The following ENPEP variants were observed in gnomAD, a reference collection of about 807,000 sequenced individuals.
ENPEP encodes the protein AP-A.
In ENPEP, 103 loss-of-function variants were observed where a neutral mutation model predicts 114.5. That is an observed-to-expected ratio of 0.90 (90% CI 0.77 to 1.06). The LOEUF (loss-of-function observed/expected upper bound fraction) is 1.06, where lower values mean the gene tolerates loss of function less well. ENPEP is among the 50% of genes least tolerant of loss of function. ENPEP has a pLI of 0.00. For synonymous variants in ENPEP, 420 were observed against 422.0 expected (o/e 1.00, Z 0.06); for missense variants, 1,196 against 1,161.3 (o/e 1.03, Z -0.43).
chr4:110,538,483 A>C (rs1386572238), intron 11 of ENPEP, among the ~76,000 whole-genome samples: 1 of 152,170 alleles, frequency 6.6e-6, no homozygotes, highest in East Asian at 1.9e-4. Context: ...TCTCTGGATT[A>C]GGCTTTGGAT....
At chr4:110,556,633 G>A (rs1434483735) in intron 18 of ENPEP, among the ~76,000 whole-genome samples, 1 of 152,002 alleles carries the variant, frequency 6.6e-6, no homozygotes, top group East Asian at 1.9e-4. Context: ...TAGAATACAA[G>A]TAGTGGTAGA....
At chr4:110,483,390 AT>A (rs2110332536) in intron 1 of ENPEP, among the ~76,000 whole-genome samples, 2 of 152,238 alleles carry the variant, frequency 1.3e-5, no homozygotes, top group South Asian at 4.1e-4. Context: ...AACTTATAAA[AT>A]TGCTCAGCAC....
rs111241857 is a variant in ENPEP, at chr4:110,542,971, G to C, written c.1945-44G>C. Reference sequence around the variant, plus strand: ...ATATTAATTTTTTTCAACATGCTTTGCCTTAAGAATTGTGTTTTTATCTCT... The same window carrying C: ...ATATTAATTTTTTTCAACATGCTTTCCCTTAAGAATTGTGTTTTTATCTCT... On this transcript the variant is annotated intron_variant, in intron 12 of 19. Coordinates refer to ENST00000265162, the MANE Select transcript of ENPEP (RefSeq NM_001977.4). 90 of 1,610,952 alleles carry C rather than the reference G, an allele frequency of 5.6e-5. No individual in the cohort carries two copies. In the South Asian group the frequency reaches 9.6e-4, roughly 17 times the overall value.
chr4:110,542,076 A>G (rs963228304), intron 11 of ENPEP, among the ~76,000 whole-genome samples: 2 of 152,140 alleles, frequency 1.3e-5, no homozygotes, highest in African/African-American at 4.8e-5. Flanking sequence ...TATTGTTGTA[A>G]CCAACTGAAA....
At chr4:110,548,433 GC>G in intron 14 of ENPEP, 107 bp downstream of exon 14, 2 of 926,964 alleles carry the variant, frequency 2.2e-6, no homozygotes, top group Non-Finnish European at 1.5e-6. Context: ...ATGTTTGCTT[GC>G]CAGGTGGAAT....
At position 110,561,418 on chromosome 4, in the gene ENPEP, T is replaced by A; in HGVS notation, c.2734T>A (p.Phe912Ile). ...ELQLWQMESF[F>I]AKYPQAGAGE... is the part of the protein sequence containing the mutation. The stretch of plus-strand genomic sequence containing the variant: ...CTCTCTTTTCTAGATGGAGAGCTTT[T>A]TTGCAAAATATCCACAAGCTGGAGC... The change falls in exon 20 of 20, where the codon TTT (phenylalanine) becomes ATT (isoleucine). Residue 912 changes from phenylalanine to isoleucine, a missense_variant. By Grantham distance (21) the Phe-to-Ile change is conservative. Coordinates refer to ENST00000265162, the MANE Select transcript of ENPEP (RefSeq NM_001977.4). 4 of 1,613,822 alleles carry A rather than the reference T, an allele frequency of 2.5e-6. No homozygotes were observed. Among genetic ancestry groups the A allele is most frequent in the Non-Finnish European group, 3.4e-6 (4 of 1,179,930 alleles).
Position 110,561,573 on chromosome 4 carries a change from A to G in ENPEP, c.*15A>G. On this transcript the variant is annotated 3_prime_UTR_variant, in exon 20 of 20. Coordinates refer to ENST00000265162, the MANE Select transcript of ENPEP (RefSeq NM_001977.4). ...AGAGTGGTTAATGTATTCAAATGTT[A>G]GAGTTTAATTTTGTGAATCTATTGT... 1 of 1,601,942 alleles carries G rather than the reference A, an allele frequency of 6.2e-7. No homozygotes were observed. The highest frequency in any genetic ancestry group is 8.5e-7 in the Non-Finnish European group (1 of 1,175,906).
intron 1 of ENPEP, among the ~76,000 whole-genome samples, chr4:110,487,678 T>C (rs1388809360): frequency 6.6e-6 from 1 of 152,236 alleles, no homozygotes. Flanking sequence ...TATTAATGAA[T>C]GGAAATTACC....
intron 1 of ENPEP, among the ~76,000 whole-genome samples, chr4:110,483,027 T>C (rs1289043591): frequency 6.6e-6 from 1 of 152,078 alleles, no homozygotes; most frequent in East Asian, 1.9e-4. Flanking sequence ...AAAAAAAGAA[T>C]ACATTTTCTT....
intron 11 of ENPEP, among the ~76,000 whole-genome samples, chr4:110,533,933 T>C (rs1366940251): frequency 6.6e-6 from 1 of 152,240 alleles, no homozygotes; most frequent in East Asian, 1.9e-4. Flanking sequence ...AGAGCTTTGA[T>C]GACAAATCTG....
At chr4:110,537,753 A>G (rs1272702345) in intron 11 of ENPEP, among the ~76,000 whole-genome samples, 2 of 152,236 alleles carry the variant, frequency 1.3e-5, no homozygotes, top group African/African-American at 4.8e-5. Flanking sequence ...CTATCACCTT[A>G]CAAAATGTAT....
At chr4:110,496,743 T>C (rs2110342507) in intron 3 of ENPEP, among the ~76,000 whole-genome samples, 1 of 152,334 alleles carries the variant, frequency 6.6e-6, no homozygotes, top group Non-Finnish European at 1.5e-5. Flanking sequence ...TCCTCAAGAT[T>C]AGACTGAGGC....
intron 1 of ENPEP, among the ~76,000 whole-genome samples, chr4:110,487,136 T>C (rs56383775): frequency 6.6e-6 from 1 of 152,226 alleles, no homozygotes; most frequent in African/African-American, 2.4e-5. Context: ...ACAGTAGTAA[T>C]GTTATCCCCC....
intron 11 of ENPEP, among the ~76,000 whole-genome samples, chr4:110,536,867 G>A (rs941134019): frequency 6.6e-6 from 1 of 152,138 alleles, no homozygotes. Flanking sequence ...GAGAGATACT[G>A]CAGTTTTGGT....
intron 18 of ENPEP, 135 bp downstream of exon 18, chr4:110,553,590 G>T (rs556583577): frequency 1.1e-5 from 9 of 828,758 alleles, no homozygotes; most frequent in Non-Finnish European, 1.5e-5. Flanking sequence ...AAGGATCATG[G>T]TATTATCCTT....
chr4:110,533,565 T>TG (rs1337571196), intron 11 of ENPEP: 3 of 152,280 alleles, frequency 2.0e-5, no homozygotes, highest in Non-Finnish European at 2.9e-5. Context: ...AGCCCAGGTT[T>TG]GGGGGTTCAG....
At chr4:110,540,951 G>T (rs993706988) in intron 11 of ENPEP, among the ~76,000 whole-genome samples, 4 of 152,162 alleles carry the variant, frequency 2.6e-5, no homozygotes, top group African/African-American at 9.7e-5. Flanking sequence ...AGGTCACACA[G>T]CTAGTAAGTC....
At position 110,515,429 on chromosome 4, in the gene ENPEP, A is replaced by C; in HGVS notation, c.1496A>C (p.Gln499Pro). Residue 499 changes from glutamine (Q) to proline (P), a missense_variant, in exon 8 of 20, where the codon CAA (glutamine) becomes CCA (proline). Gln to Pro is a moderately conservative substitution (Grantham distance 76, BLOSUM62 -1). Transcript: ENST00000265162. ...LEDWIKPENF[Q>P]KGCQMYLEKY... ...GACTGGATAAAACCAGAGAATTTTC[A>C]AAAAGGATGTCAGGTATGATTTATT... The C allele has an allele frequency of 6.3e-7, 1 of 1,591,518 alleles. No individual in the cohort carries two copies. The highest frequency in any genetic ancestry group is 8.5e-7 in the Non-Finnish European group (1 of 1,174,242).
At chr4:110,511,325 G>A (rs530909251) in intron 6 of ENPEP, among the ~76,000 whole-genome samples, 5 of 151,726 alleles carry the variant, frequency 3.3e-5, no homozygotes, top group Non-Finnish European at 7.4e-5. Context: ...TTTTTTGTGC[G>A]GGACTTTCCT....
Sources: allele counts gnomAD v4.1 joint callset (sites outside exome capture counted in the v4.1 genomes callset), GRCh38; gene constraint gnomAD v4.1.1; transcripts MANE v1.5; gene names NCBI Gene and HGNC (gene_info 2026-07-23, HGNC 2026-07-21).